The following PSD3 variants were observed in gnomAD, a reference collection of about 807,000 sequenced individuals.
PSD3 encodes the protein pleckstrin and Sec7 domain containing 3, also known as PH and SEC7 domain-containing protein 3.
A neutral mutation model predicts 105.5 loss-of-function variants in PSD3; 49 were observed. The observed-to-expected ratio is 0.46, with a 90% confidence interval of 0.37 to 0.59. The LOEUF (loss-of-function observed/expected upper bound fraction) is 0.59, where lower values mean the gene tolerates loss of function less well. Ranked by LOEUF, PSD3 falls within the 20% of genes least tolerant of loss-of-function variation. PSD3 has a pLI of 0.00. For synonymous variants in PSD3, 557 were observed against 457.8 expected, an observed-to-expected ratio of 1.22 and a Z score of -2.77; for missense variants, 1,561 against 1,263.8, an observed-to-expected ratio of 1.24 and a Z score of -3.57.
intron 1 of PSD3, among the ~76,000 whole-genome samples, chr8:19,068,435 G>A (rs73589549): frequency 0.041 from 6,255 of 152,114 alleles, 411 homozygotes; most frequent in African/African-American, 0.14. Flanking sequence ...GACTGCAGGT[G>A]TACACCACAA....
chr8:18,943,896 G>C (rs1822706230), intron 1 of PSD3, among the ~76,000 whole-genome samples: 1 of 151,922 alleles, frequency 6.6e-6, no homozygotes, highest in Non-Finnish European at 1.5e-5. Flanking sequence ...CACCATGCAA[G>C]CAGGAGACCG....
chr8:18,667,767 C>A (rs2130899690), intron 9 of PSD3, among the ~76,000 whole-genome samples: 1 of 152,304 alleles, frequency 6.6e-6, no homozygotes, highest in South Asian at 2.1e-4. Context: ...GGGCAAGGAG[C>A]CCATGGCGGG....
chr8:18,632,197 G>A (rs916016350), intron 11 of PSD3, among the ~76,000 whole-genome samples: 3 of 152,050 alleles, frequency 2.0e-5, no homozygotes, highest in African/African-American at 2.4e-5. Context: ...TTGTCTCTGG[G>A]ACCTTACACC....
intron 15 of PSD3, among the ~76,000 whole-genome samples, chr8:18,547,153 C>T (rs1002285779): frequency 1.8e-4 from 27 of 152,092 alleles, no homozygotes; most frequent in African/African-American, 3.9e-4. Flanking sequence ...GGTGGAATGA[C>T]GGTGGAGACC....
chr8:18,725,161 C>G (rs1803262126), intron 9 of PSD3, among the ~76,000 whole-genome samples: 1 of 152,190 alleles, frequency 6.6e-6, no homozygotes, highest in Non-Finnish European at 1.5e-5. Context: ...GAGTAAGCCT[C>G]TACTCCAATC....
chr8:19,048,296 C>T (rs1183732600), intron 1 of PSD3, among the ~76,000 whole-genome samples: 2 of 152,178 alleles, frequency 1.3e-5, no homozygotes, highest in Non-Finnish European at 2.9e-5. Context: ...CATATCAACT[C>T]GGTGGTTAAG....
At chr8:18,652,752 C>T (rs1421739992) in intron 10 of PSD3, among the ~76,000 whole-genome samples, 2 of 152,056 alleles carry the variant, frequency 1.3e-5, no homozygotes, top group East Asian at 1.9e-4. Flanking sequence ...GGCTCCTCAG[C>T]CTCCCAAAGT....
At chr8:19,022,174 G>C (rs139855770) in intron 1 of PSD3, among the ~76,000 whole-genome samples, 2 of 152,262 alleles carry the variant, frequency 1.3e-5, no homozygotes, top group African/African-American at 4.8e-5. Flanking sequence ...TCACCAGGAG[G>C]ATAGTGCTAA....
chr8:18,735,499 A>G (rs980447466), intron 9 of PSD3, among the ~76,000 whole-genome samples: 9 of 152,090 alleles, frequency 5.9e-5, no homozygotes, highest in African/African-American at 2.2e-4. Context: ...CTGCCTTTAC[A>G]CTTTATATTC....
chr8:18,662,996 C>A (rs1329939785), intron 9 of PSD3, among the ~76,000 whole-genome samples: 3 of 152,132 alleles, frequency 2.0e-5, no homozygotes, highest in Non-Finnish European at 1.5e-5. Flanking sequence ...TTGTCAAATG[C>A]ACCTTTCTGA....
intron 2 of PSD3, among the ~76,000 whole-genome samples, chr8:18,901,981 T>A (rs334745): frequency 6.6e-6 from 1 of 152,118 alleles, no homozygotes; most frequent in African/African-American, 2.4e-5. Context: ...TTGACTTGTG[T>A]CAATTTGACA....
At position 18,532,604 on chromosome 8, in the gene PSD3, A is replaced by G. The variant is rs985683612; in HGVS notation, c.*3139T>C. ...TTGCTGAGATTAATTAAAATTCACAAAAGTATTGCTCAGTTTAATTAGACA... is the reference window on the plus strand; with the variant it reads ...TTGCTGAGATTAATTAAAATTCACAGAAGTATTGCTCAGTTTAATTAGACA... On this transcript the variant is annotated 3_prime_UTR_variant, in exon 16 of 16. Transcript: ENST00000327040. 4 of 152,200 alleles carry G rather than the reference A, an allele frequency of 2.6e-5. No homozygotes were observed. The highest frequency in any genetic ancestry group is 4.4e-5 in the Non-Finnish European group (3 of 68,044). 9.4% of individuals were successfully genotyped at this position (152,200 alleles called of 1,614,324 possible).
intron 8 of PSD3, 184 bp downstream of exon 8, chr8:18,799,111 T>C (rs921157969): frequency 2.1e-5 from 12 of 565,512 alleles, no homozygotes; most frequent in African/African-American, 1.7e-4. Context: ...TTTAAAGTCA[T>C]ACTCTGTGCT....
Position 19,013,609 on chromosome 8 carries a change from C to G in PSD3, c.-26G>C. On this transcript the variant is annotated 5_prime_UTR_variant, in exon 1 of 16. Transcript: ENST00000327040. The stretch of plus-strand genomic sequence containing the variant: ...CTTCCATCGCCAGCCCGGCCGCGCG[C>G]CGAAACCGCCGCCGGGCGCTCCGGG... 1 of 1,429,698 alleles carries G rather than the reference C, an allele frequency of 7.0e-7. No individual in the cohort carries two copies. The highest frequency in any genetic ancestry group is 9.1e-7 in the Non-Finnish European group (1 of 1,097,088). The allele number at this position is 1,429,698 out of a possible 1,614,324, so 88.6% of individuals were successfully genotyped here.
chr8:18,996,150 G>T (rs541083138), intron 1 of PSD3, among the ~76,000 whole-genome samples: 2 of 151,194 alleles, frequency 1.3e-5, no homozygotes, highest in Non-Finnish European at 2.9e-5. Flanking sequence ...TTGCCCTGTG[G>T]TTGCTACCTG....
At chr8:18,920,333 A>C (rs1820925289) in intron 2 of PSD3, among the ~76,000 whole-genome samples, 2 of 152,212 alleles carry the variant, frequency 1.3e-5, no homozygotes, top group Admixed American at 1.3e-4. Flanking sequence ...AATATCACAA[A>C]GGGGAAATAA....
At chr8:18,895,580 T>C (rs12547170) in intron 2 of PSD3, among the ~76,000 whole-genome samples, 7,115 of 152,364 alleles carry the variant, frequency 0.047, 203 homozygotes, top group South Asian at 0.081. Flanking sequence ...GCAAGTTTGC[T>C]AGATTAATTT....
chr8:18,973,938 C>G (rs763865665), intron 1 of PSD3, among the ~76,000 whole-genome samples: 1 of 152,174 alleles, frequency 6.6e-6, no homozygotes, highest in Non-Finnish European at 1.5e-5. Context: ...AAATGGAGGC[C>G]TGCTCTTGCA....
intron 2 of PSD3, among the ~76,000 whole-genome samples, chr8:18,878,275 G>A (rs1158601104): frequency 6.6e-6 from 1 of 152,002 alleles, no homozygotes; most frequent in Non-Finnish European, 1.5e-5. Context: ...GTTGCTGTAT[G>A]TGAATCTTAT....
Sources: allele counts gnomAD v4.1 joint callset (sites outside exome capture counted in the v4.1 genomes callset), GRCh38; gene constraint gnomAD v4.1.1; transcripts MANE v1.5; gene names NCBI Gene and HGNC (gene_info 2026-07-23, HGNC 2026-07-21).